The following PCSK5 variants were observed in gnomAD, a reference collection of about 807,000 sequenced individuals.
The protein encoded by PCSK5 is prohormone convertase 5.
A neutral mutation model predicts 233.2 loss-of-function variants in PCSK5; 129 were observed. The observed-to-expected ratio is 0.55, with a 90% CI of 0.48 to 0.64. The LOEUF is 0.64. Ranked by LOEUF, PCSK5 falls within the 30% of genes least tolerant of loss-of-function variation. The pLI is 0.00. For missense variants in PCSK5, 2,076 were observed against 2,430.1 expected, an observed-to-expected ratio of 0.85 and a Z score of 3.06; for synonymous variants, 825 against 879.2, an observed-to-expected ratio of 0.94 and a Z score of 1.09.
At position 76,308,641 on chromosome 9, in the gene PCSK5, A is replaced by T. The variant is rs752915179; in HGVS notation, c.3605-4A>T. On this transcript the variant is annotated splice_polypyrimidine_tract_variant and splice_region_variant and intron_variant, in intron 28 of 37. Coordinates refer to ENST00000674117, the MANE Select transcript of PCSK5 (RefSeq NM_001372043.1). ...GCCTGAACTGTTGTTTCTTTCTCAT[A>T]CAGATATTTTGAGAAAACTCCAGCC... 1.9e-6 allele frequency: 3 copies of T among 1,566,740 alleles called. No homozygotes were observed. Among genetic ancestry groups the T allele is most frequent in the South Asian group, 2.2e-5 (2 of 89,936 alleles).
intron 8 of PCSK5, among the ~76,000 whole-genome samples, chr9:76,103,829 A>G (rs1327229842): frequency 6.6e-6 from 1 of 152,158 alleles, no homozygotes; most frequent in Non-Finnish European, 1.5e-5. Context: ...AGTTCTTTGG[A>G]GAAAAATTCT....
chr9:76,022,517 A>G (rs1400339093), intron 3 of PCSK5, among the ~76,000 whole-genome samples: 4 of 152,188 alleles, frequency 2.6e-5, no homozygotes, highest in African/African-American at 9.6e-5. Flanking sequence ...GGAATTATGT[A>G]GCAGCACAGC....
chr9:76,091,003 C>T (rs1831264850), intron 7 of PCSK5, among the ~76,000 whole-genome samples: 1 of 152,016 alleles, frequency 6.6e-6, no homozygotes, highest in South Asian at 2.1e-4. Context: ...TCCATTGCCA[C>T]TGCTGATCTG....
At chr9:76,262,345 C>CA (rs1299479310) in intron 24 of PCSK5, among the ~76,000 whole-genome samples, 1 of 151,312 alleles carries the variant, frequency 6.6e-6, no homozygotes, top group African/African-American at 2.4e-5. Flanking sequence ...AAGAACAAAG[C>CA]TGGAGGCATC....
At chr9:76,050,589 A>G (rs1430386019) in intron 5 of PCSK5, among the ~76,000 whole-genome samples, 4 of 152,206 alleles carry the variant, frequency 2.6e-5, no homozygotes, top group Non-Finnish European at 4.4e-5. Flanking sequence ...ATTGCATACT[A>G]CACATTTTCA....
rs537474310 is a variant in PCSK5, at chr9:76,094,539, G to T, written c.895-1351G>T. 1.3e-4 allele frequency among the ~76,000 whole-genome samples: 20 copies of T among 152,168 alleles called. No homozygotes were observed. In the South Asian group the frequency reaches 3.5e-3, roughly 27 times the overall value. ...TTTCTCCTGAAGACATCATCTTATA[G>T]TCACTTCACTGTGTATGTCTATATT... On this transcript the variant is annotated intron_variant, in intron 7 of 37. Transcript: ENST00000674117.
intron 20 of PCSK5, among the ~76,000 whole-genome samples, chr9:76,192,615 A>G (rs537068240): frequency 2.4e-5 from 2 of 84,262 alleles, no homozygotes; most frequent in South Asian, 4.6e-4. Flanking sequence ...GTTGAATTTA[A>G]TTCTTCTTCT....
At chr9:76,332,764 A>G (rs1829572884) in intron 34 of PCSK5, among the ~76,000 whole-genome samples, 154 bp downstream of exon 34, 1 of 152,228 alleles carries the variant, frequency 6.6e-6, no homozygotes, top group Admixed American at 6.5e-5. Context: ...ATTCACAGTA[A>G]CAGAAGAGAA....
intron 24 of PCSK5, among the ~76,000 whole-genome samples, chr9:76,284,824 G>A (rs984277333): frequency 1.3e-4 from 20 of 152,162 alleles, no homozygotes; most frequent in Non-Finnish European, 2.8e-4. Context: ...GAGCCACTGC[G>A]CCTGGCCAAA....
At chr9:75,987,735 C>T (rs10781323) in intron 3 of PCSK5, among the ~76,000 whole-genome samples, 3 of 151,972 alleles carry the variant, frequency 2.0e-5, no homozygotes, top group African/African-American at 4.8e-5. Context: ...AAGAGTGAAC[C>T]CCAAGGGAAG....
chr9:76,230,140 C>T (rs980079059), intron 21 of PCSK5, among the ~76,000 whole-genome samples: 10 of 152,134 alleles, frequency 6.6e-5, no homozygotes, highest in Admixed American at 4.6e-4. Context: ...GATTTTTCTT[C>T]AAGTTTCTTA....
At chr9:75,961,634 T>G (rs1204133000) in intron 2 of PCSK5, among the ~76,000 whole-genome samples, 1 of 152,234 alleles carries the variant, frequency 6.6e-6, no homozygotes, top group African/African-American at 2.4e-5. Flanking sequence ...ACTGTCAATT[T>G]TATGAGATCT....
chr9:75,927,782 G>GA (rs943899217), intron 1 of PCSK5, among the ~76,000 whole-genome samples: 1 of 151,818 alleles, frequency 6.6e-6, no homozygotes. Flanking sequence ...CCTGCTGCTA[G>GA]AAAAAAAAGT....
intron 23 of PCSK5, 130 bp downstream of exon 23, chr9:76,239,295 C>T: frequency 1.4e-6 from 1 of 701,260 alleles, no homozygotes; most frequent in East Asian, 2.7e-5. Context: ...GGGTGACTCC[C>T]AACCCTAGTG....
chr9:75,902,234 AAAAAAAAAAGAAAAG>A lies in PCSK5; in HGVS notation c.192+10862_192+10876del, dbSNP rs1301293775. On this transcript the variant is annotated intron_variant, in intron 1 of 37. Coordinates refer to ENST00000674117, the MANE Select transcript of PCSK5 (RefSeq NM_001372043.1). ...CCATCTAAAAAAAAAAAAAAAAAAA[AAAAAAAAAAGAAAAG>A]GACAAAACAAGGAGTTTGAATTTAC... 1.5e-3 allele frequency among the ~76,000 whole-genome samples: 220 copies of A among 149,714 alleles called. 1 individual carries two copies. Among genetic ancestry groups the A allele is most frequent in the African/African-American group, 5.0e-3 (204 of 40,756 alleles).
chr9:76,250,120 C>T (rs894018480), intron 24 of PCSK5, among the ~76,000 whole-genome samples: 1 of 152,128 alleles, frequency 6.6e-6, no homozygotes, highest in Non-Finnish European at 1.5e-5. Context: ...TCCTGGCCAA[C>T]ATGGTGAAAC....
At chr9:76,321,663 G>C in intron 31 of PCSK5, 24 bp downstream of exon 31, 2 of 1,531,358 alleles carry the variant, frequency 1.3e-6, no homozygotes, top group Non-Finnish European at 1.8e-6. Flanking sequence ...TCCCACAGGA[G>C]AGCAAGGCTC....
Position 76,188,740 on chromosome 9 carries a change from C to T in PCSK5, c.2380+65C>T, listed in dbSNP as rs1824224123. 13 of 1,191,354 alleles carry T rather than the reference C, an allele frequency of 1.1e-5. No individual in the cohort carries two copies. The South Asian group carries it at 1.6e-4, about 15-fold the overall frequency. The allele number at this position is 1,191,354 out of a possible 1,614,324, so 73.8% of individuals were successfully genotyped here. On this transcript the variant is annotated intron_variant, in intron 18 of 37. Coordinates refer to ENST00000674117, the MANE Select transcript of PCSK5 (RefSeq NM_001372043.1). ...GTTTTGCTTTTCTTTCTGGTTTGGG[C>T]CATCACTCATGCAACCCACTTGATA...
intron 9 of PCSK5, among the ~76,000 whole-genome samples, chr9:76,109,492 G>A (rs1215130587): frequency 6.8e-6 from 1 of 147,740 alleles, no homozygotes; most frequent in Non-Finnish European, 1.5e-5. Context: ...CAAAAATCTT[G>A]CTTTATGCCT....
Sources: allele counts gnomAD v4.1 joint callset (sites outside exome capture counted in the v4.1 genomes callset), GRCh38; gene constraint gnomAD v4.1.1; transcripts MANE v1.5; gene names NCBI Gene and HGNC (gene_info 2026-07-23, HGNC 2026-07-21).